CREB3L2: variants seen among roughly 807,000 people sequenced by gnomAD.
CREB3L2 encodes cyclic AMP-responsive element-binding protein 3-like protein 2.
Under a neutral mutation model 57.2 loss-of-function variants are expected in CREB3L2, and 23 were observed. The ratio of observed to expected loss-of-function variants is 0.40; its 90% CI spans 0.29 to 0.57. The LOEUF (loss-of-function observed/expected upper bound fraction) is 0.57, where lower values mean the gene tolerates loss of function less well. CREB3L2 is among the 20% of genes least tolerant of loss of function. The pLI, the probability that CREB3L2 is intolerant of heterozygous loss-of-function variation, is 0.42. For missense variants in CREB3L2, 628 were observed against 634.7 expected, an observed-to-expected ratio of 0.99 and a Z score of 0.11; for synonymous variants, 268 against 265.1, an observed-to-expected ratio of 1.01 and a Z score of -0.11.
intron 1 of CREB3L2, among the ~76,000 whole-genome samples, chr7:137,993,676 C>T (rs936597879): frequency 3.9e-5 from 6 of 152,174 alleles, no homozygotes; most frequent in African/African-American, 1.4e-4. Flanking sequence ...TGGGCTACCA[C>T]GTCTTGCCCA....
intron 1 of CREB3L2, among the ~76,000 whole-genome samples, chr7:137,954,689 T>C (rs1240587254): frequency 6.6e-6 from 1 of 152,062 alleles, no homozygotes; most frequent in African/African-American, 2.4e-5. Flanking sequence ...CTAAAGAGTT[T>C]GGAATGCTCA....
chr7:137,928,508 A>C (rs1356622029), intron 1 of CREB3L2, 142 bp from the exon 2 acceptor site: 1 of 691,530 alleles, frequency 1.4e-6, no homozygotes, highest in Admixed American at 2.4e-5. Context: ...CGTGCTGTGT[A>C]GCAAACCACC....
At chr7:137,902,090 A>T (rs1799773265) in intron 7 of CREB3L2, among the ~76,000 whole-genome samples, 1 of 149,536 alleles carries the variant, frequency 6.7e-6, no homozygotes, top group Non-Finnish European at 1.5e-5. Context: ...GCTACTTGGG[A>T]GGCTGAGACA....
intron 1 of CREB3L2, chr7:137,957,618 C>A (rs17190987): frequency 0.096 from 42,569 of 444,872 alleles, 2,688 homozygotes; most frequent in Admixed American, 0.24. Context: ...TAGTAAAGAA[C>A]TCTTAAACTT....
At chr7:137,994,411 T>C (rs1231056389) in intron 1 of CREB3L2, among the ~76,000 whole-genome samples, 1 of 152,218 alleles carries the variant, frequency 6.6e-6, no homozygotes, top group Non-Finnish European at 1.5e-5. Context: ...ATTCTTGTCC[T>C]GCATGGTAAG....
chr7:137,882,061 A>G (rs911560642), intron 11 of CREB3L2, among the ~76,000 whole-genome samples: 4 of 152,236 alleles, frequency 2.6e-5, no homozygotes, highest in African/African-American at 9.6e-5. Context: ...TTGGATTTGC[A>G]CAGCAAACAC....
At chr7:137,940,012 T>C (rs1330885715) in intron 1 of CREB3L2, among the ~76,000 whole-genome samples, 1 of 152,242 alleles carries the variant, frequency 6.6e-6, no homozygotes, top group East Asian at 1.9e-4. Flanking sequence ...CTCTAGATAC[T>C]CTTCCTAATT....
intron 1 of CREB3L2, among the ~76,000 whole-genome samples, chr7:137,979,006 G>A (rs570130337): frequency 1.3e-5 from 2 of 152,304 alleles, no homozygotes; most frequent in Admixed American, 1.3e-4. Flanking sequence ...CAAAACTCAA[G>A]ACTCACAACG....
rs944549189 is a variant in CREB3L2, at chr7:137,875,076, C to T, written c.*5400G>A. The T allele has an allele frequency of 3.7e-5, 7 of 191,464 alleles. No homozygotes were observed. The highest frequency in any genetic ancestry group is 1.7e-4 in the African/African-American group (7 of 40,926). The allele number at this position is 191,464 out of a possible 1,614,324, so 11.9% of individuals were successfully genotyped here. ...TTTTCCCAAACTAAGTACAAGTGTC[C>T]TACAAAGCTTTTTTTTTTTTTTGGT... is the stretch of plus-strand genomic sequence containing the variant. On this transcript the variant is annotated 3_prime_UTR_variant, in exon 12 of 12. Coordinates refer to ENST00000330387, the MANE Select transcript of CREB3L2 (RefSeq NM_194071.4).
chr7:137,927,252 G>A (rs898143444), intron 2 of CREB3L2, among the ~76,000 whole-genome samples: 14 of 128,682 alleles, frequency 1.1e-4, no homozygotes, highest in Admixed American at 8.1e-4. Context: ...GGAACGGAAC[G>A]GAACAGAACG....
intron 1 of CREB3L2, among the ~76,000 whole-genome samples, chr7:137,932,530 C>G (rs898246835): frequency 1.3e-5 from 2 of 152,014 alleles, no homozygotes; most frequent in Non-Finnish European, 2.9e-5. Context: ...CCTAGGAGTT[C>G]AAGGCCAGCC....
chr7:138,001,627 C>T lies in CREB3L2; in HGVS notation c.79G>A (p.Gly27Ser), dbSNP rs1563278703. Residue 27 changes from glycine to serine, a missense_variant, in exon 1 of 12, where the codon GGC (glycine) becomes AGC (serine). Physicochemically the swap from Gly to Ser is moderately conservative, Grantham distance 56. Around this residue, in one of 3 missense-constraint regions of CREB3L2, gnomAD observed 339 missense variants for 355.4 expected, o/e 0.95. Transcript: ENST00000330387. The surrounding 1 kb of genome is among the most constrained non-coding windows in gnomAD (Gnocchi z 4.2). ...ACCGTGTGGTACATGAGGGCCTCGC[C>T]GTCCCCGGGCTCTGACAGCTCGCTC... is the stretch of plus-strand genomic sequence containing the variant. Reference protein sequence around the residue: ...KLSELSEPGDGEALMYHTHFS... With the variant: ...KLSELSEPGDSEALMYHTHFS... 1.2e-6 allele frequency: 2 copies of T among 1,613,246 alleles called. No homozygotes were observed. Among genetic ancestry groups the T allele is most frequent in the Non-Finnish European group, 1.7e-6 (2 of 1,179,658 alleles).
intron 1 of CREB3L2, among the ~76,000 whole-genome samples, chr7:137,988,052 G>A (rs1267524170): frequency 3.3e-5 from 5 of 152,170 alleles, no homozygotes; most frequent in Non-Finnish European, 5.9e-5. Flanking sequence ...GTGAAGGGTG[G>A]CCCTTTCCTC....
At chr7:137,964,936 C>T (rs77593830) in intron 1 of CREB3L2, among the ~76,000 whole-genome samples, 2,727 of 152,138 alleles carry the variant, frequency 0.018, 90 homozygotes, top group African/African-American at 0.062. Flanking sequence ...ATCTCGTCTG[C>T]CACCACGTAA....
At chr7:137,986,351 A>G (rs747931325) in intron 1 of CREB3L2, among the ~76,000 whole-genome samples, 1 of 152,262 alleles carries the variant, frequency 6.6e-6, no homozygotes, top group Non-Finnish European at 1.5e-5. Context: ...GCTTCCCAAC[A>G]GGTATGCCGG....
At chr7:137,915,747 C>T (rs1800114456) in intron 3 of CREB3L2, 90 bp downstream of exon 3, 1 of 1,194,272 alleles carries the variant, frequency 8.4e-7, no homozygotes, top group Admixed American at 2.2e-5. Context: ...CAGCCACTAA[C>T]TCCAAAAAGA....
intron 1 of CREB3L2, among the ~76,000 whole-genome samples, chr7:137,993,125 G>A (rs1801930062): frequency 6.6e-6 from 1 of 152,246 alleles, no homozygotes; most frequent in African/African-American, 2.4e-5. Context: ...TCCACTTTCT[G>A]AATGATGTCA....
intron 2 of CREB3L2, chr7:137,922,606 C>T (rs756974145): frequency 4.7e-5 from 21 of 442,908 alleles, no homozygotes; most frequent in African/African-American, 6.1e-5. Context: ...AAAACACATA[C>T]GCAGTTGGTC....
chr7:137,934,589 A>G (rs1800738161), intron 1 of CREB3L2, among the ~76,000 whole-genome samples: 1 of 152,186 alleles, frequency 6.6e-6, no homozygotes, highest in East Asian at 1.9e-4. Context: ...ATGCTCCCTC[A>G]TTTGTGTCAG....
Sources: gnomAD v4.1 joint callset for allele counts (sites outside exome capture counted in the v4.1 genomes callset) on GRCh38, gnomAD v4.1.1 for gene constraint, gnomAD v4.1.1 regional missense constraint, Gnocchi (gnomAD v3.1) non-coding constraint, MANE v1.5 for transcripts, NCBI Gene and HGNC (gene_info 2026-07-23, HGNC 2026-07-21) for gene names.